The following TOGARAM1 variants were observed in gnomAD, a reference collection of about 807,000 sequenced individuals.
TOGARAM1 encodes the protein TOG array regulator of axonemal microtubules protein 1.
Under a neutral mutation model 166.6 loss-of-function variants are expected in TOGARAM1, and 100 were observed. That is an observed-to-expected ratio of 0.60 (90% CI 0.51 to 0.71). The LOEUF (loss-of-function observed/expected upper bound fraction) is 0.71. Ranked by LOEUF, TOGARAM1 falls within the 30% of genes least tolerant of loss-of-function variation. TOGARAM1 has a pLI of 0.00. For missense variants in TOGARAM1, 2,029 were observed against 2,102.7 expected (o/e 0.96, Z 0.69); for synonymous variants, 758 against 763.8 (o/e 0.99, Z 0.13).
chr14:44,967,943 C>T (rs1594601939), intron 1 of TOGARAM1, among the ~76,000 whole-genome samples: 1 of 151,960 alleles, frequency 6.6e-6, no homozygotes, highest in African/African-American at 2.4e-5. Flanking sequence ...TAAGGCATTA[C>T]TCTTAAGACT....
At chr14:45,004,820 A>G (rs957623151) in intron 4 of TOGARAM1, among the ~76,000 whole-genome samples, 1 of 152,232 alleles carries the variant, frequency 6.6e-6, no homozygotes, top group Non-Finnish European at 1.5e-5. Flanking sequence ...AACAAATTTT[A>G]GCTTTACAAA....
chr14:44,962,901 G>A lies in TOGARAM1; in HGVS notation c.480G>A (p.Ser160=). The change falls in exon 1 of 20, where the codon TCG becomes TCA. Residue 160 remains serine (S), a synonymous_variant. Coordinates refer to ENST00000361462, the MANE Select transcript of TOGARAM1 (RefSeq NM_001308120.2). ...DEKRLCLQLL[S]DVLRGQGEAG... is the part of the protein sequence containing the mutation. ...AGCGGCTCTGCTTGCAACTTCTCTCGGACGTTCTCCGGGGTCAGGGGGAGG... is the reference window on the plus strand; with the variant it reads ...AGCGGCTCTGCTTGCAACTTCTCTCAGACGTTCTCCGGGGTCAGGGGGAGG... The A allele has an allele frequency of 6.2e-7, 1 of 1,614,046 alleles. No homozygotes were observed. Among genetic ancestry groups the A allele is most frequent in the Non-Finnish European group, 8.5e-7 (1 of 1,180,030 alleles).
chr14:45,044,091 C>T (rs1416186824), intron 12 of TOGARAM1, among the ~76,000 whole-genome samples: 2 of 151,908 alleles, frequency 1.3e-5, no homozygotes, highest in Non-Finnish European at 2.9e-5. Context: ...GTCACTGCAA[C>T]CTTCTCCTCC....
chr14:45,044,009 G>T (rs576885762), intron 12 of TOGARAM1, among the ~76,000 whole-genome samples: 2 of 152,058 alleles, frequency 1.3e-5, no homozygotes, highest in South Asian at 2.1e-4. Flanking sequence ...AAGATGTGGG[G>T]TTTTGTTTGT....
At position 45,073,509 on chromosome 14, in the gene TOGARAM1, T is replaced by C. The variant is rs1594715031; in HGVS notation, c.5270T>C (p.Ile1757Thr). The C allele has an allele frequency of 1.2e-6, 2 of 1,613,948 alleles. No individual in the cohort carries two copies. Among genetic ancestry groups the C allele is most frequent in the Non-Finnish European group, 1.7e-6 (2 of 1,179,958 alleles). Residue 1757 changes from isoleucine to threonine, a missense_variant, in exon 20 of 20, where the codon ATC (isoleucine) becomes ACC (threonine). Physicochemically the swap from Ile to Thr is moderately conservative, Grantham distance 89. Coordinates refer to ENST00000361462, the MANE Select transcript of TOGARAM1 (RefSeq NM_001308120.2). The stretch of plus-strand genomic sequence containing the variant: ...CAGGCTGCATCTCAACCACCACATA[T>C]CAAAAAGAGTTTGGAGGAATTACTC... ...LNQAASQPPH[I>T]KKSLEELLDM...
At chr14:44,986,338 G>A (rs1886792612) in intron 1 of TOGARAM1, among the ~76,000 whole-genome samples, 1 of 152,082 alleles carries the variant, frequency 6.6e-6, no homozygotes, top group Non-Finnish European at 1.5e-5. Context: ...TGCTCATGCT[G>A]GAGTGTAGTG....
At chr14:45,063,860 C>T (rs1395970613) in intron 16 of TOGARAM1, among the ~76,000 whole-genome samples, 2 of 152,148 alleles carry the variant, frequency 1.3e-5, no homozygotes, top group African/African-American at 4.8e-5. Context: ...TGGGCCCTGT[C>T]CTTGACCTGC....
chr14:44,995,774 C>G lies in TOGARAM1; in HGVS notation c.2075C>G (p.Ala692Gly). ...TCAACATATGATTTCATCCCATCTG[C>G]AAAATTAAAGCTTTCTCAAGGAATG... ...QFSTYDFIPS[A>G]KLKLSQGMPV... The change falls in exon 2 of 20, where the codon GCA becomes GGA. Residue 692 changes from alanine (A) to glycine (G), a missense_variant. Transcript: ENST00000361462. 1 of 1,585,658 alleles carries G rather than the reference C, an allele frequency of 6.3e-7. No individual in the cohort carries two copies. Among genetic ancestry groups the G allele is most frequent in the South Asian group, 1.2e-5 (1 of 85,788 alleles).
chr14:45,009,137 G>A lies in TOGARAM1; in HGVS notation c.3129G>A (p.Lys1043=), dbSNP rs1441502312. The A allele has an allele frequency of 6.2e-7, 1 of 1,609,448 alleles. No homozygotes were observed. The highest frequency in any genetic ancestry group is 8.5e-7 in the Non-Finnish European group (1 of 1,176,322). ...TSSLSTTPQG[K]RIMSDIFPTF... Reference sequence around the variant, plus strand: ...CTCTGTCTACAACTCCCCAGGGGAAGAGAATAATGTATTTTATTTTTTGAC... The same window carrying A: ...CTCTGTCTACAACTCCCCAGGGGAAAAGAATAATGTATTTTATTTTTTGAC... The change falls in exon 6 of 20, where the codon AAG becomes AAA. Residue 1043 remains lysine (K), a synonymous_variant. Transcript: ENST00000361462.
intron 7 of TOGARAM1, among the ~76,000 whole-genome samples, chr14:45,016,052 T>TA (rs150699318): frequency 3.3e-5 from 5 of 151,742 alleles, no homozygotes; most frequent in Non-Finnish European, 7.4e-5. Context: ...AATTCTGGAT[T>TA]AAAAAAAATT....
chr14:45,044,720 A>T lies in TOGARAM1; in HGVS notation c.4004A>T (p.Gln1335Leu), dbSNP rs768200108. ...LFTYLKKSMD[Q>L]ELDTTVKVLL... ...ACTTATTTGAAAAAGAGCATGGATCAAGAGCTAGATACCACAGTAAAAGTT... is the reference window on the plus strand; with the variant it reads ...ACTTATTTGAAAAAGAGCATGGATCTAGAGCTAGATACCACAGTAAAAGTT... The change falls in exon 13 of 20, where the codon CAA becomes CTA. Residue 1335 changes from glutamine to leucine, a missense_variant. Transcript: ENST00000361462. 11 of 1,613,970 alleles carry T rather than the reference A, an allele frequency of 6.8e-6. No individual in the cohort carries two copies. The highest frequency in any genetic ancestry group is 8.5e-7 in the Non-Finnish European group (1 of 1,180,006).
intron 1 of TOGARAM1, among the ~76,000 whole-genome samples, chr14:44,969,154 CTT>C (rs1427610055): frequency 7.3e-6 from 1 of 136,360 alleles, no homozygotes; most frequent in Admixed American, 7.1e-5. Context: ...TCCTTTCTTT[CTT>C]TCTTTTCTTT....
intron 1 of TOGARAM1, among the ~76,000 whole-genome samples, chr14:44,977,985 G>A (rs558375364): frequency 3.9e-5 from 6 of 152,124 alleles, no homozygotes; most frequent in Admixed American, 1.3e-4. Context: ...GCAGCACCAC[G>A]TGAGCTGATT....
At chr14:45,013,861 C>A (rs778994067) in intron 7 of TOGARAM1, among the ~76,000 whole-genome samples, 3 of 151,920 alleles carry the variant, frequency 2.0e-5, no homozygotes, top group Non-Finnish European at 2.9e-5. Context: ...AAAATGGAAC[C>A]CACTTTTGGA....
At chr14:45,071,008 G>A (rs187098974) in intron 18 of TOGARAM1, among the ~76,000 whole-genome samples, 46 of 152,122 alleles carry the variant, frequency 3.0e-4, no homozygotes, top group African/African-American at 9.4e-4. Context: ...TGCAACTTCC[G>A]ACTCCCTGGT....
In TOGARAM1 at chr14:44,963,211, C is replaced by A. The variant is rs1471519076; in HGVS notation, c.790C>A (p.Leu264Ile). The A allele has an allele frequency of 1.2e-6, 2 of 1,614,166 alleles. No homozygotes were observed. Among genetic ancestry groups the A allele is most frequent in the East Asian group, 4.5e-5 (2 of 44,884 alleles). ...TEVIISLARK[L>I]GDQETEEESE... ...GGTGATAATATCCCTAGCCCGAAAGCTTGGTGATCAGGAGACAGAAGAAGA... is the reference window on the plus strand; with the variant it reads ...GGTGATAATATCCCTAGCCCGAAAGATTGGTGATCAGGAGACAGAAGAAGA... The change falls in exon 1 of 20, where the codon CTT becomes ATT. Residue 264 changes from leucine (L) to isoleucine (I), a missense_variant. Physicochemically the swap from Leu to Ile is conservative, Grantham distance 5 (BLOSUM62 2). Around this residue, in one of 2 missense-constraint regions of TOGARAM1, gnomAD observed 1,453 missense variants for 1,432.2 expected, o/e 1.01. Coordinates refer to ENST00000361462, the MANE Select transcript of TOGARAM1 (RefSeq NM_001308120.2).
chr14:45,037,203 G>C (rs189928683), intron 11 of TOGARAM1, among the ~76,000 whole-genome samples: 2 of 152,292 alleles, frequency 1.3e-5, no homozygotes, highest in Non-Finnish European at 1.5e-5. Context: ...CACAGATATA[G>C]TTCCTCTCAA....
chr14:44,993,090 T>TA (rs942761954), intron 1 of TOGARAM1, among the ~76,000 whole-genome samples: 2 of 149,932 alleles, frequency 1.3e-5, no homozygotes, highest in Non-Finnish European at 1.5e-5. Flanking sequence ...TGGCAAAAAA[T>TA]AAAAAAATAA....
intron 16 of TOGARAM1, among the ~76,000 whole-genome samples, chr14:45,063,209 C>T (rs559067943): frequency 2.0e-5 from 3 of 152,000 alleles, no homozygotes; most frequent in Non-Finnish European, 2.9e-5. Flanking sequence ...TCCATTCATC[C>T]GTATATGGAT....
Sources: allele counts gnomAD v4.1 joint callset (sites outside exome capture counted in the v4.1 genomes callset), GRCh38; gene constraint gnomAD v4.1.1; regional missense constraint gnomAD v4.1.1; transcripts MANE v1.5; gene names NCBI Gene and HGNC (gene_info 2026-07-23, HGNC 2026-07-21).